The following DHRSX variants were observed in gnomAD, a reference collection of about 807,000 sequenced individuals.
DHRSX encodes polyprenol dehydrogenase.
In DHRSX, 31 loss-of-function variants were observed where a neutral mutation model predicts 34.0. That is an observed-to-expected ratio of 0.91 (90% CI 0.69 to 1.23). The LOEUF (loss-of-function observed/expected upper bound fraction) is 1.23. Ranked by LOEUF, DHRSX falls within the 50% of genes most tolerant of loss-of-function variation. The pLI is 0.00. For synonymous variants in DHRSX, 201 were observed against 183.8 expected (o/e 1.09, Z -0.76); for missense variants, 414 against 428.1 (o/e 0.97, Z 0.29).
chrX:2,498,064 T>G (rs1244909151), intron 1 of DHRSX, among the ~76,000 whole-genome samples: 1 of 152,188 alleles, frequency 6.6e-6, no homozygotes, highest in Non-Finnish European at 1.5e-5. Flanking sequence ...CTATGATTAA[T>G]TTGTAATTAT....
At chrX:2,268,930 T>A (rs772045496) in intron 4 of DHRSX, among the ~76,000 whole-genome samples, 16 of 152,364 alleles carry the variant, frequency 1.1e-4, no homozygotes, top group African/African-American at 3.6e-4. Context: ...CATTTGCAAA[T>A]GCATTTGAGG....
intron 6 of DHRSX, among the ~76,000 whole-genome samples, chrX:2,240,517 C>G (rs71207526): frequency 0.022 from 3,307 of 151,452 alleles, 64 homozygotes; most frequent in African/African-American, 0.047. Context: ...TGTAACCAAG[C>G]TCATTAATTC....
At chrX:2,315,549 T>C (rs959612392) in intron 3 of DHRSX, among the ~76,000 whole-genome samples, 8 of 152,156 alleles carry the variant, frequency 5.3e-5, no homozygotes, top group Non-Finnish European at 1.2e-4. Context: ...TAGATGCCCA[T>C]CTGTCTGCAG....
At chrX:2,406,779 G>C (rs373551293) in intron 3 of DHRSX, among the ~76,000 whole-genome samples, 1 of 152,266 alleles carries the variant, frequency 6.6e-6, no homozygotes, top group East Asian at 1.9e-4. Context: ...GTGTTGGGGA[G>C]GGTGTAGAGA....
chrX:2,463,011 C>A (rs1344313321), intron 1 of DHRSX, among the ~76,000 whole-genome samples: 1 of 152,002 alleles, frequency 6.6e-6, no homozygotes, highest in Non-Finnish European at 1.5e-5. Flanking sequence ...AAAAGGAGCC[C>A]CAGAGAGCTC....
intron 3 of DHRSX, among the ~76,000 whole-genome samples, chrX:2,375,729 T>A (rs1220221026): frequency 7.4e-6 from 1 of 135,978 alleles, no homozygotes; most frequent in Non-Finnish European, 1.7e-5. Context: ...GCCTCCTAGG[T>A]TCAAGTGATT....
At chrX:2,336,848 T>TATAG (rs375205503) in intron 3 of DHRSX, among the ~76,000 whole-genome samples, 37,437 of 151,494 alleles carry the variant, frequency 0.25, 5,288 homozygotes, top group African/African-American at 0.37. Flanking sequence ...GATAGATAGA[T>TATAG]ATAGATAGAT....
At chrX:2,490,333 G>A (rs1339969798) in intron 1 of DHRSX, 5 of 1,613,202 alleles carry the variant, frequency 3.1e-6, no homozygotes, top group East Asian at 2.2e-5. Flanking sequence ...GGCCCAGCAC[G>A]GCGGCCGTCA....
rs768003251 is a variant in DHRSX, at chrX:2,221,100, G to T, written c.934C>A (p.Gln312Lys). 5 of 1,613,932 alleles carry T rather than the reference G, an allele frequency of 3.1e-6. No homozygotes were observed. Among genetic ancestry groups the T allele is most frequent in the Non-Finnish European group, 4.2e-6 (5 of 1,179,860 alleles). The part of the protein sequence containing the change: ...SLHVTYNQKL[Q>K]QQLWSKSCEM... ...CAACTCTTAGACCACAGCTGCTGCT[G>T]CAGTTTCTGGTTGTAGGTGACGTGG... The change falls in exon 7 of 7, where the codon CAG (glutamine) becomes AAG (lysine). Residue 312 changes from glutamine (Q) to lysine (K), a missense_variant. Gln to Lys is a moderately conservative substitution (Grantham distance 53). Transcript: ENST00000334651.
intron 6 of DHRSX, among the ~76,000 whole-genome samples, chrX:2,242,790 A>C (rs765445696): frequency 6.6e-6 from 1 of 152,086 alleles, no homozygotes; most frequent in Non-Finnish European, 1.5e-5. Context: ...ATCATCAAGA[A>C]ATCACCGTAA....
intron 3 of DHRSX, among the ~76,000 whole-genome samples, chrX:2,353,584 A>AT (rs774278281): frequency 0.04 from 5,395 of 136,070 alleles, 161 homozygotes; most frequent in Middle Eastern, 0.078. Context: ...AGCTGATTGC[A>AT]TTTTTTTTTT....
At chrX:2,221,573 G>A (rs2015520335) in intron 6 of DHRSX, among the ~76,000 whole-genome samples, 1 of 152,176 alleles carries the variant, frequency 6.6e-6, no homozygotes, top group Non-Finnish European at 1.5e-5. Flanking sequence ...AGAAGCAGAT[G>A]AGTGAGTGCT....
At chrX:2,239,449 A>G (rs967676896) in intron 6 of DHRSX, among the ~76,000 whole-genome samples, 43 of 151,820 alleles carry the variant, frequency 2.8e-4, no homozygotes, top group African/African-American at 1.0e-3. Context: ...ACAGAGCAAG[A>G]CCTGGTCTCT....
Position 2,291,539 on chromosome X carries a change from C to G in DHRSX, c.351G>C (p.Lys117Asn), listed in dbSNP as rs1463831612. ...GGACATGGAGAGGAATCTTCTTCAT[C>G]TTGAACTTCTGCACAAACTGCCGGA... Reference protein sequence around the residue: ...TSIRQFVQKFKMKKIPLHVLI... With the variant: ...TSIRQFVQKFNMKKIPLHVLI... The change falls in exon 4 of 7, where the codon AAG becomes AAC. Residue 117 changes from lysine (K) to asparagine (N), a missense_variant. Physicochemically the swap from Lys to Asn is moderately conservative, Grantham distance 94. Coordinates refer to ENST00000334651, the MANE Select transcript of DHRSX (RefSeq NM_145177.3). 3 of 1,613,950 alleles carry G rather than the reference C, an allele frequency of 1.9e-6. No homozygotes were observed. Among genetic ancestry groups the G allele is most frequent in the Non-Finnish European group, 2.5e-6 (3 of 1,179,858 alleles).
chrX:2,245,658 T>C (rs769772682), intron 5 of DHRSX, among the ~76,000 whole-genome samples: 1 of 149,116 alleles, frequency 6.7e-6, no homozygotes, highest in South Asian at 2.1e-4. Context: ...CTCCCTAAAA[T>C]GTATAAAACC....
intron 3 of DHRSX, among the ~76,000 whole-genome samples, chrX:2,345,816 C>G (rs953953919): frequency 3.9e-5 from 6 of 152,176 alleles, no homozygotes; most frequent in Non-Finnish European, 7.3e-5. Flanking sequence ...GGACTTTGGA[C>G]TCCAACTACA....
At chrX:2,427,102 AG>A (rs1162572092) in intron 1 of DHRSX, among the ~76,000 whole-genome samples, 1 of 152,246 alleles carries the variant, frequency 6.6e-6, no homozygotes, top group Non-Finnish European at 1.5e-5. Context: ...TGAACTTCAA[AG>A]GAAGAAGAGG....
chrX:2,320,942 A>C (rs773208780), intron 3 of DHRSX, among the ~76,000 whole-genome samples: 2 of 152,236 alleles, frequency 1.3e-5, no homozygotes, highest in South Asian at 4.2e-4. Context: ...AAGACACTGC[A>C]GGTCAGCACT....
At chrX:2,293,659 G>C (rs1239777028) in intron 3 of DHRSX, among the ~76,000 whole-genome samples, 1 of 152,164 alleles carries the variant, frequency 6.6e-6, no homozygotes, top group Non-Finnish European at 1.5e-5. Context: ...TGGGCTGGCC[G>C]AGAAGAGAAC....
Sources: allele counts gnomAD v4.1 joint callset (sites outside exome capture counted in the v4.1 genomes callset), GRCh38; gene constraint gnomAD v4.1.1; transcripts MANE v1.5; gene names NCBI Gene and HGNC (gene_info 2026-07-23, HGNC 2026-07-21).